The following KCND2 variants were observed in gnomAD, a reference collection of about 807,000 sequenced individuals.
KCND2 encodes the protein potassium voltage-gated channel subfamily D member 2, also known as A-type voltage-gated potassium channel KCND2.
Under a neutral mutation model 54.4 loss-of-function variants are expected in KCND2, and 16 were observed. That is an observed-to-expected ratio of 0.29 (90% CI 0.20 to 0.45). The LOEUF is 0.45. Ranked by LOEUF, KCND2 falls within the 20% of genes least tolerant of loss-of-function variation. The pLI, the probability that KCND2 is intolerant of heterozygous loss-of-function variation, is 1.00. For synonymous variants in KCND2, 317 were observed against 310.7 expected (o/e 1.02, Z -0.21); for missense variants, 486 against 824.2 (o/e 0.59, Z 5.02).
chr7:120,565,760 G>T (rs991835550), intron 1 of KCND2, among the ~76,000 whole-genome samples: 10 of 152,200 alleles, frequency 6.6e-5, no homozygotes, highest in African/African-American at 2.4e-4. Flanking sequence ...GAATATCCTT[G>T]CAGAGGATAT....
chr7:120,582,853 A>G (rs1368574582), intron 1 of KCND2, among the ~76,000 whole-genome samples: 2 of 151,896 alleles, frequency 1.3e-5, no homozygotes, highest in Admixed American at 6.6e-5. Context: ...ATTTTTAGCT[A>G]CTACACACCT....
intron 1 of KCND2, among the ~76,000 whole-genome samples, chr7:120,295,379 C>T (rs199705587): frequency 1.4e-4 from 18 of 127,984 alleles, no homozygotes; most frequent in African/African-American, 5.8e-4. Flanking sequence ...CACACACACA[C>T]ACACACACAC....
At chr7:120,605,431 C>T (rs191647946) in intron 1 of KCND2, among the ~76,000 whole-genome samples, 1 of 152,208 alleles carries the variant, frequency 6.6e-6, no homozygotes, top group Non-Finnish European at 1.5e-5. Flanking sequence ...TAATAATGTT[C>T]CATTGTATGA....
intron 1 of KCND2, among the ~76,000 whole-genome samples, chr7:120,560,578 C>T (rs891560561): frequency 1.3e-5 from 2 of 152,134 alleles, no homozygotes; most frequent in African/African-American, 4.8e-5. Context: ...AGAAAGGTTT[C>T]GTGTTTGAAA....
At chr7:120,447,507 A>G (rs1802033735) in intron 1 of KCND2, among the ~76,000 whole-genome samples, 2 of 152,186 alleles carry the variant, frequency 1.3e-5, no homozygotes, top group Admixed American at 1.3e-4. Context: ...AGAAAATTAT[A>G]GAAGAAATGA....
At chr7:120,720,659 C>T (rs1220109837) in intron 1 of KCND2, among the ~76,000 whole-genome samples, 1 of 152,096 alleles carries the variant, frequency 6.6e-6, no homozygotes, top group Non-Finnish European at 1.5e-5. Flanking sequence ...GAATTTTCTG[C>T]GTTGAAAGAC....
chr7:120,627,866 G>A (rs1221330841), intron 1 of KCND2, among the ~76,000 whole-genome samples: 1 of 151,722 alleles, frequency 6.6e-6, no homozygotes, highest in East Asian at 1.9e-4. Context: ...ATCTATTAAT[G>A]TATTATAAAG....
intron 1 of KCND2, among the ~76,000 whole-genome samples, chr7:120,704,092 T>C (rs1462429229): frequency 1.3e-5 from 2 of 152,322 alleles, no homozygotes; most frequent in Admixed American, 1.3e-4. Context: ...ATAATGACTA[T>C]TGGCCAAACA....
At chr7:120,293,055 T>C (rs1275847340) in intron 1 of KCND2, among the ~76,000 whole-genome samples, 2 of 152,076 alleles carry the variant, frequency 1.3e-5, no homozygotes, top group East Asian at 3.9e-4. Context: ...TTTGAAATGC[T>C]ATAAAACCTT....
Position 120,741,410 on chromosome 7 carries a change from A to G in KCND2, c.1279-124A>G, listed in dbSNP as rs1792939372. 4 of 711,542 alleles carry G rather than the reference A, an allele frequency of 5.6e-6. No individual in the cohort carries two copies. In the East Asian group the frequency reaches 1.1e-4, roughly 19 times the overall value. 44.1% of individuals were successfully genotyped at this position (711,542 alleles called of 1,614,324 possible). On this transcript the variant is annotated intron_variant, in intron 2 of 5. Coordinates refer to ENST00000331113, the MANE Select transcript of KCND2 (RefSeq NM_012281.3). ...TAGAGAGGTAATTTTCAATAGTTGC[A>G]TTTGAAAAGCTGGCTTACTTTTAAA... is the stretch of plus-strand genomic sequence containing the variant.
At chr7:120,302,827 T>C (rs1417519124) in intron 1 of KCND2, among the ~76,000 whole-genome samples, 1 of 152,194 alleles carries the variant, frequency 6.6e-6, no homozygotes, top group Non-Finnish European at 1.5e-5. Context: ...CAAAGCCAGA[T>C]TTTCAGAATG....
At chr7:120,479,653 G>C (rs1487528088) in intron 1 of KCND2, among the ~76,000 whole-genome samples, 1 of 151,316 alleles carries the variant, frequency 6.6e-6, no homozygotes. Flanking sequence ...GTATGGTTTG[G>C]TATGGTGGCT....
At chr7:120,408,875 G>T (rs1006223846) in intron 1 of KCND2, among the ~76,000 whole-genome samples, 1 of 151,866 alleles carries the variant, frequency 6.6e-6, no homozygotes, top group African/African-American at 2.4e-5. Context: ...ACTTGAATAT[G>T]CAATATGTGG....
chr7:120,618,876 C>G (rs1233795379), intron 1 of KCND2, among the ~76,000 whole-genome samples: 6 of 151,918 alleles, frequency 3.9e-5, no homozygotes, highest in Admixed American at 1.3e-4. Flanking sequence ...TGAGGTCTTA[C>G]TGTGTTGCAC....
At chr7:120,317,556 A>T (rs1325519457) in intron 1 of KCND2, among the ~76,000 whole-genome samples, 1 of 152,200 alleles carries the variant, frequency 6.6e-6, no homozygotes, top group African/African-American at 2.4e-5. Context: ...AAAAGTACCT[A>T]TTACATTATT....
At chr7:120,548,501 G>T (rs1792069631) in intron 1 of KCND2, among the ~76,000 whole-genome samples, 1 of 152,068 alleles carries the variant, frequency 6.6e-6, no homozygotes, top group Admixed American at 6.6e-5. Flanking sequence ...GCCTGCCAGG[G>T]TAATCACCTG....
intron 2 of KCND2, chr7:120,740,796 T>A (rs1447961934): frequency 2.2e-6 from 1 of 453,856 alleles, no homozygotes; most frequent in Non-Finnish European, 4.4e-6. Context: ...ATAGGCTTAC[T>A]ATGTTCTTCA....
intron 1 of KCND2, among the ~76,000 whole-genome samples, chr7:120,698,083 C>T (rs556750513): frequency 2.4e-5 from 3 of 122,716 alleles, no homozygotes; most frequent in African/African-American, 6.3e-5. Context: ...GGTGCAATCT[C>T]AGCTCACTCT....
intron 1 of KCND2, among the ~76,000 whole-genome samples, chr7:120,476,621 T>G (rs1044571773): frequency 6.6e-6 from 1 of 151,188 alleles, no homozygotes; most frequent in African/African-American, 2.4e-5. Flanking sequence ...CACTATATGA[T>G]GTATGTGCCT....
Sources: gnomAD v4.1 joint callset for allele counts (sites outside exome capture counted in the v4.1 genomes callset) on GRCh38, gnomAD v4.1.1 for gene constraint, MANE v1.5 for transcripts, NCBI Gene and HGNC (gene_info 2026-07-23, HGNC 2026-07-21) for gene names.